LRP2: variants seen among roughly 807,000 people sequenced by gnomAD.
LRP2 encodes LDL receptor related protein 2, also known as low-density lipoprotein receptor-related protein 2.
In LRP2, 172 loss-of-function variants were observed where a neutral mutation model predicts 531.0. The ratio of observed to expected loss-of-function variants is 0.32; its 90% CI spans 0.29 to 0.37. The LOEUF is 0.37. LRP2 is among the 10% of genes least tolerant of loss of function. The pLI, the probability that LRP2 is intolerant of heterozygous loss-of-function variation, is 1.00. For missense variants in LRP2, 5,167 were observed against 5,868.3 expected, an observed-to-expected ratio of 0.88 and a Z score of 3.90; for synonymous variants, 1,992 against 2,027.6, an observed-to-expected ratio of 0.98 and a Z score of 0.47.
intron 10 of LRP2, among the ~76,000 whole-genome samples, chr2:169,280,899 A>G (rs1273822237): frequency 3.9e-5 from 6 of 152,208 alleles, no homozygotes; most frequent in African/African-American, 1.4e-4. Flanking sequence ...TGTTAAACAC[A>G]GAAGACATTT....
At chr2:169,163,104 C>T (rs1028703222) in intron 62 of LRP2, among the ~76,000 whole-genome samples, 2 of 152,064 alleles carry the variant, frequency 1.3e-5, no homozygotes, top group African/African-American at 4.8e-5. Context: ...AGGCAAGCAA[C>T]AAGGACACTG....
rs1370730535 is a variant in LRP2, at chr2:169,361,370, CTCTCTCCCTCTCTCTCTCTCTCTCTG to C, written c.79+925_79+950del. Among the ~76,000 whole-genome samples the C allele has an allele frequency of 3.3e-4, 27 of 82,974 alleles. No individual in the cohort carries two copies. In the South Asian group the frequency reaches 6.1e-3, roughly 19 times the overall value. The allele number at this position is 82,974 out of a possible 152,430, so 54.4% of individuals were successfully genotyped here. On this transcript the variant is annotated intron_variant, in intron 1 of 78. Coordinates refer to ENST00000649046, the MANE Select transcript of LRP2 (RefSeq NM_004525.3). ...TCTCTGTCTCTCTCTCTCTCTCTCT[CTCTCTCCCTCTCTCTCTCTCTCTCTG>C]TCTCTCTCCTCTCTCTCCTCTCTCT...
intron 11 of LRP2, among the ~76,000 whole-genome samples, chr2:169,280,064 C>A (rs1312966056): frequency 6.6e-6 from 1 of 152,202 alleles, no homozygotes; most frequent in Non-Finnish European, 1.5e-5. Context: ...TACCAAATAT[C>A]TATCCAGTTT....
At chr2:169,283,093 G>T in intron 9 of LRP2, 92 bp from the exon 10 acceptor site, 1 of 1,330,068 alleles carries the variant, frequency 7.5e-7, no homozygotes, top group Non-Finnish European at 1.1e-6. Flanking sequence ...GGCCAAGAAT[G>T]TGGTGTTGCC....
Position 169,243,503 on chromosome 2 carries a change from T to C in LRP2, c.3450A>G (p.Gln1150=), listed in dbSNP as rs757327993. ...EKNCNSTETC[Q]PSQFNCPNHR... is the part of the protein sequence containing the mutation. ...GATTGGGGCAATTAAACTGACTAGGTTGGCATGTCTCTGTCGAATCTAATG... is the reference window on the plus strand; with the variant it reads ...GATTGGGGCAATTAAACTGACTAGGCTGGCATGTCTCTGTCGAATCTAATG... Residue 1150 remains glutamine, a synonymous_variant, in exon 23 of 79, where the codon CAA becomes CAG. Transcript: ENST00000649046. The C allele has an allele frequency of 6.2e-7, 1 of 1,614,014 alleles. No individual in the cohort carries two copies. Among genetic ancestry groups the C allele is most frequent in the African/African-American group, 1.3e-5 (1 of 74,908 alleles).
intron 77 of LRP2, among the ~76,000 whole-genome samples, chr2:169,130,964 C>T (rs1286753183): frequency 6.6e-6 from 1 of 152,162 alleles, no homozygotes; most frequent in Non-Finnish European, 1.5e-5. Flanking sequence ...CCACCACAGT[C>T]CCCTTCCTGC....
At chr2:169,211,860 G>C (rs1688605365) in intron 37 of LRP2, 108 bp downstream of exon 37, 1 of 1,420,608 alleles carries the variant, frequency 7.0e-7, no homozygotes, top group Non-Finnish European at 9.9e-7. Flanking sequence ...GGAAAGGAAA[G>C]CTTCATTATG....
At chr2:169,284,546 C>T (rs538050459) in intron 9 of LRP2, among the ~76,000 whole-genome samples, 11 of 152,038 alleles carry the variant, frequency 7.2e-5, no homozygotes, top group Non-Finnish European at 1.2e-4. Flanking sequence ...GGACTGCAGG[C>T]GTAAGCCACC....
intron 31 of LRP2, among the ~76,000 whole-genome samples, chr2:169,230,066 T>A (rs373822254): frequency 7.2e-5 from 11 of 152,264 alleles, no homozygotes; most frequent in African/African-American, 2.6e-4. Context: ...AGTCAACCCA[T>A]GAGAAAACCA....
chr2:169,344,968 C>CA (rs796864581), intron 1 of LRP2, among the ~76,000 whole-genome samples: 1 of 151,976 alleles, frequency 6.6e-6, no homozygotes, highest in Non-Finnish European at 1.5e-5. Flanking sequence ...AATTTGTCAT[C>CA]AAAAAAATAA....
chr2:169,278,410 G>A (rs1683613747), intron 12 of LRP2, among the ~76,000 whole-genome samples: 1 of 152,104 alleles, frequency 6.6e-6, no homozygotes, highest in African/African-American at 2.4e-5. Flanking sequence ...CTTGAGCCCA[G>A]AAGTTCAAGT....
At position 169,175,217 on chromosome 2, in the gene LRP2, A is replaced by T; in HGVS notation, c.10744T>A (p.Ser3582Thr). The T allele has an allele frequency of 6.2e-7, 1 of 1,614,074 alleles. No homozygotes were observed. Among genetic ancestry groups the T allele is most frequent in the Non-Finnish European group, 8.5e-7 (1 of 1,180,012 alleles). ...CNAHQNCPDG[S>T]DEDRLLCENH... ...CCACAAAGAAGACGGTCTTCATCAGACCCATCAGGGCAATTTTGGTGAGCA... is the reference window on the plus strand; with the variant it reads ...CCACAAAGAAGACGGTCTTCATCAGTCCCATCAGGGCAATTTTGGTGAGCA... The change falls in exon 55 of 79, where the codon TCT (serine) becomes ACT (threonine). Residue 3582 changes from serine (S) to threonine (T), a missense_variant. Transcript: ENST00000649046.
At chr2:169,131,200 C>A (rs1269480601) in intron 77 of LRP2, among the ~76,000 whole-genome samples, 1 of 151,850 alleles carries the variant, frequency 6.6e-6, no homozygotes. Flanking sequence ...CTTGAAAAAT[C>A]TGAAACTGAA....
chr2:169,328,000 T>G (rs1574262339), intron 1 of LRP2, among the ~76,000 whole-genome samples: 1 of 86,958 alleles, frequency 1.1e-5, no homozygotes, highest in African/African-American at 4.7e-5. Context: ...TAGCCCCACG[T>G]CCGGGAGGGA....
intron 4 of LRP2, among the ~76,000 whole-genome samples, chr2:169,299,081 AAGAAG>A (rs1353894095): frequency 1.6e-5 from 1 of 62,136 alleles, no homozygotes; most frequent in Non-Finnish European, 4.3e-5. Flanking sequence ...GAAAGAAAGA[AAGAAG>A]GAAAGAAAGA....
intron 11 of LRP2, among the ~76,000 whole-genome samples, chr2:169,280,072 T>C (rs889184551): frequency 6.6e-6 from 1 of 152,224 alleles, no homozygotes; most frequent in Non-Finnish European, 1.5e-5. Context: ...ATCTATCCAG[T>C]TTTGAAAGAA....
intron 78 of LRP2, 82 bp from the exon 79 acceptor site, chr2:169,128,912 T>C (rs1685187828): frequency 6.4e-7 from 1 of 1,557,548 alleles, no homozygotes; most frequent in Admixed American, 1.7e-5. Context: ...AGACTATTTG[T>C]GGCCACTCTG....
chr2:169,335,605 A>T (rs1272811948), intron 1 of LRP2, among the ~76,000 whole-genome samples: 1 of 152,202 alleles, frequency 6.6e-6, no homozygotes, highest in Admixed American at 6.5e-5. Context: ...TCTTAAGCTC[A>T]GGAGTCTGTA....
chr2:169,204,241 G>T lies in LRP2; in HGVS notation c.7746C>A (p.Gly2582=), dbSNP rs773890980. The T allele has an allele frequency of 6.2e-7, 1 of 1,613,550 alleles. No individual in the cohort carries two copies. Among genetic ancestry groups the T allele is most frequent in the East Asian group, 2.2e-5 (1 of 44,878 alleles). The change falls in exon 42 of 79, where the codon GGC becomes GGA. Residue 2582 remains glycine (G), a synonymous_variant. Transcript: ENST00000649046. ...LQRIERSTLT[G]VDREVIVNAA... is the part of the protein sequence containing the mutation. ...CATTGACAATGACTTCACGATCCAC[G>T]CCCGTCAGAGTGCTGCGTTCAATCC...
Sources: gnomAD v4.1 joint callset for allele counts (sites outside exome capture counted in the v4.1 genomes callset) on GRCh38, gnomAD v4.1.1 for gene constraint, MANE v1.5 for transcripts, NCBI Gene and HGNC (gene_info 2026-07-23, HGNC 2026-07-21) for gene names.